The following NOL4 variants were observed in gnomAD, a reference collection of about 807,000 sequenced individuals.
NOL4 encodes the protein cancer/testis antigen 125.
A neutral mutation model predicts 75.9 loss-of-function variants in NOL4; 17 were observed. The ratio of observed to expected loss-of-function variants is 0.22; its 90% CI spans 0.15 to 0.34. NOL4 has a LOEUF of 0.34. Among genes scored for constraint, NOL4 ranks in the 10% least tolerant of loss-of-function variants. The probability of loss-of-function intolerance (pLI) is 1.00; values close to 1 mark genes in which losing one functional copy is unlikely to be tolerated. For missense variants in NOL4, 614 were observed against 793.5 expected, an observed-to-expected ratio of 0.77 and a Z score of 2.72; for synonymous variants, 292 against 289.9, an observed-to-expected ratio of 1.01 and a Z score of -0.07.
chr18:33,933,770 A>G (rs534304944), intron 9 of NOL4, among the ~76,000 whole-genome samples: 9 of 152,238 alleles, frequency 5.9e-5, no homozygotes, highest in African/African-American at 1.9e-4. Flanking sequence ...CTCCACTAGT[A>G]AAGTCTTGAA....
chr18:33,970,566 T>C (rs2145867822), intron 6 of NOL4, among the ~76,000 whole-genome samples: 1 of 152,304 alleles, frequency 6.6e-6, no homozygotes, highest in Non-Finnish European at 1.5e-5. Flanking sequence ...ATAATTCAAA[T>C]AATAAGGCCT....
chr18:34,003,199 T>C (rs1167808430), intron 6 of NOL4, among the ~76,000 whole-genome samples: 1 of 152,134 alleles, frequency 6.6e-6, no homozygotes, highest in Non-Finnish European at 1.5e-5. Flanking sequence ...TTTATTGATA[T>C]TTCCCAGGGT....
At chr18:34,219,044 G>A (rs2037111628) in intron 1 of NOL4, among the ~76,000 whole-genome samples, 1 of 152,142 alleles carries the variant, frequency 6.6e-6, no homozygotes, top group South Asian at 2.1e-4. Flanking sequence ...TCACTGTACA[G>A]TAATCAATTA....
intron 1 of NOL4, among the ~76,000 whole-genome samples, chr18:34,151,921 G>A (rs540996501): frequency 5.3e-5 from 8 of 151,810 alleles, no homozygotes; most frequent in African/African-American, 1.4e-4. Context: ...TGTCCTGTGC[G>A]GCAACAGAGG....
chr18:33,979,599 G>T (rs2071782859), intron 6 of NOL4, among the ~76,000 whole-genome samples: 2 of 151,568 alleles, frequency 1.3e-5, no homozygotes, highest in South Asian at 2.1e-4. Flanking sequence ...GAGGAACTTA[G>T]AATTTTTTTT....
At chr18:34,044,637 A>G (rs73416354) in intron 5 of NOL4, among the ~76,000 whole-genome samples, 20,735 of 152,178 alleles carry the variant, frequency 0.14, 1,494 homozygotes, top group Middle Eastern at 0.21. Context: ...ATTTTATGCA[A>G]TAATATAACT....
At chr18:34,088,009 AAT>A (rs200480600) in intron 5 of NOL4, among the ~76,000 whole-genome samples, 263 of 151,602 alleles carry the variant, frequency 1.7e-3, no homozygotes, top group African/African-American at 5.8e-3. Context: ...TTAAAATGCA[AAT>A]ATATATATAT....
intron 5 of NOL4, among the ~76,000 whole-genome samples, chr18:34,037,711 C>A (rs1163684976): frequency 6.6e-6 from 1 of 151,878 alleles, no homozygotes; most frequent in Non-Finnish European, 1.5e-5. Context: ...TACTCATATG[C>A]CAAAAAATGA....
At chr18:34,193,303 T>G (rs188086031) in intron 1 of NOL4, among the ~76,000 whole-genome samples, 1 of 151,968 alleles carries the variant, frequency 6.6e-6, no homozygotes, top group Non-Finnish European at 1.5e-5. Context: ...AAGGAAACAA[T>G]TGACAGAGTG....
At chr18:34,059,873 A>G (rs1214865609) in intron 5 of NOL4, among the ~76,000 whole-genome samples, 3 of 152,148 alleles carry the variant, frequency 2.0e-5, no homozygotes, top group African/African-American at 7.2e-5. Flanking sequence ...TGACACCCGG[A>G]GAGAAACAGA....
At chr18:34,062,862 AG>A (rs1317808020) in intron 5 of NOL4, among the ~76,000 whole-genome samples, 5 of 152,154 alleles carry the variant, frequency 3.3e-5, no homozygotes, top group Non-Finnish European at 7.4e-5. Flanking sequence ...GAATATTTGA[AG>A]TAAATGAAAA....
chr18:34,042,113 G>A (rs1382577813), intron 5 of NOL4, among the ~76,000 whole-genome samples: 1 of 151,946 alleles, frequency 6.6e-6, no homozygotes, highest in South Asian at 2.1e-4. Flanking sequence ...AAATTCTGAT[G>A]TTTGGGCTCA....
chr18:34,004,842 T>G (rs1470806227), intron 6 of NOL4, among the ~76,000 whole-genome samples: 1 of 152,078 alleles, frequency 6.6e-6, no homozygotes, highest in East Asian at 1.9e-4. Context: ...ATCTTCCTCT[T>G]ATATTCATGA....
intron 1 of NOL4, among the ~76,000 whole-genome samples, chr18:34,203,717 T>TCTCTCTCTCTCTCA (rs1261546835): frequency 1.1e-4 from 8 of 72,258 alleles, no homozygotes; most frequent in African/African-American, 3.5e-4. Flanking sequence ...TCTCTCTCTC[T>TCTCTCTCTCTCTCA]CACACACACA....
At chr18:34,138,804 G>C (rs1313518279) in intron 1 of NOL4, among the ~76,000 whole-genome samples, 1 of 152,098 alleles carries the variant, frequency 6.6e-6, no homozygotes, top group Admixed American at 6.5e-5. Context: ...TATCATATTG[G>C]CTGTGGGTTT....
At chr18:34,191,766 T>C (rs1344762673) in intron 1 of NOL4, among the ~76,000 whole-genome samples, 1 of 152,126 alleles carries the variant, frequency 6.6e-6, no homozygotes, top group Non-Finnish European at 1.5e-5. Flanking sequence ...AAAGCAAGTG[T>C]GTAGCACATT....
rs55773398 is a variant in NOL4, at chr18:34,059,122, C to CATATATATATAT, written c.772+34331_772+34342dup. Among the ~76,000 whole-genome samples, 767 of 118,026 alleles carry CATATATATATAT rather than the reference C, an allele frequency of 6.5e-3. 8 individuals are homozygous for CATATATATATAT. Among genetic ancestry groups the CATATATATATAT allele is most frequent in the Admixed American group, 0.013 (136 of 10,638 alleles). 77.4% of individuals were successfully genotyped at this position (118,026 alleles called of 152,430 possible). A position where few individuals can be genotyped will look rare whatever the true frequency, so the allele number is the denominator to read the frequency against. On this transcript the variant is annotated intron_variant, in intron 5 of 10. Coordinates refer to ENST00000261592, the MANE Select transcript of NOL4 (RefSeq NM_003787.5). ...ATATATAGAGAGATAGATAGATATACATATATATATATATATATATATATA... is the reference window on the plus strand; with the variant it reads ...ATATATAGAGAGATAGATAGATATACATATATATATATATATATATATATATATATATATATA...
At chr18:34,082,523 AT>A (rs1253941205) in intron 5 of NOL4, among the ~76,000 whole-genome samples, 4 of 152,138 alleles carry the variant, frequency 2.6e-5, no homozygotes, top group Non-Finnish European at 5.9e-5. Context: ...AAATAATTTG[AT>A]TTTATATGGT....
At chr18:34,005,762 A>C (rs537451302) in intron 6 of NOL4, among the ~76,000 whole-genome samples, 1 of 152,136 alleles carries the variant, frequency 6.6e-6, no homozygotes, top group South Asian at 2.1e-4. Flanking sequence ...TCAGGGAAAA[A>C]AATCAAATAG....
Sources: gnomAD v4.1 joint callset for allele counts (sites outside exome capture counted in the v4.1 genomes callset) on GRCh38, gnomAD v4.1.1 for gene constraint, MANE v1.5 for transcripts, NCBI Gene and HGNC (gene_info 2026-07-23, HGNC 2026-07-21) for gene names.